Variants in KMO observed in about 807,000 individuals in gnomAD.
KMO encodes kynurenine 3-monooxygenase.
In KMO, 24 loss-of-function variants were observed where a neutral mutation model predicts 57.8. The ratio of observed to expected loss-of-function variants is 0.42; its 90% CI spans 0.30 to 0.58. KMO has a LOEUF of 0.58. KMO is among the 20% of genes least tolerant of loss of function. The pLI, the probability that KMO is intolerant of heterozygous loss-of-function variation, is 0.22. For missense variants in KMO, 483 were observed against 588.2 expected, an observed-to-expected ratio of 0.82 and a Z score of 1.85; for synonymous variants, 210 against 193.6, an observed-to-expected ratio of 1.08 and a Z score of -0.70.
intron 1 of KMO, among the ~76,000 whole-genome samples, chr1:241,537,443 CATA>C (rs1558409026): frequency 1.3e-5 from 2 of 152,106 alleles, no homozygotes; most frequent in African/African-American, 4.8e-5. Flanking sequence ...ATGAAAAAGA[CATA>C]ATTACTGTTA....
intron 4 of KMO, among the ~76,000 whole-genome samples, chr1:241,553,346 C>T (rs752793750): frequency 6.6e-6 from 1 of 152,122 alleles, no homozygotes; most frequent in African/African-American, 2.4e-5. Flanking sequence ...CTATCAGTTC[C>T]CAGATGACTG....
intron 1 of KMO, among the ~76,000 whole-genome samples, chr1:241,543,560 T>C (rs570543019): frequency 6.6e-6 from 1 of 152,316 alleles, no homozygotes; most frequent in South Asian, 2.1e-4. Flanking sequence ...ATTTTAGTTA[T>C]GAAAGGCACT....
chr1:241,554,769 G>A (rs1288774252), intron 4 of KMO, among the ~76,000 whole-genome samples: 1 of 148,298 alleles, frequency 6.7e-6, no homozygotes, highest in South Asian at 2.1e-4. Context: ...TTAGAAGTTC[G>A]AGACCAGGCT....
At chr1:241,553,772 G>T (rs1407804506) in intron 4 of KMO, among the ~76,000 whole-genome samples, 1 of 152,134 alleles carries the variant, frequency 6.6e-6, no homozygotes, top group Non-Finnish European at 1.5e-5. Flanking sequence ...TTTGATTTCT[G>T]TTGAAATACA....
intron 14 of KMO, among the ~76,000 whole-genome samples, chr1:241,591,552 C>T (rs758491906): frequency 2.2e-4 from 33 of 152,192 alleles, no homozygotes; most frequent in Admixed American, 4.6e-4. Context: ...GTCACAGAGG[C>T]CACCAGGCCA....
chr1:241,574,889 G>C lies in KMO; in HGVS notation c.957+6242G>C, dbSNP rs564699300. On this transcript the variant is annotated intron_variant, in intron 10 of 14. Transcript: ENST00000366559. Reference sequence around the variant, plus strand: ...TAAAATGCAACTGTGAGTCCTTCTGGTCCTGGGCTTTTATTTTTTGTTGAC... The same window carrying C: ...TAAAATGCAACTGTGAGTCCTTCTGCTCCTGGGCTTTTATTTTTTGTTGAC... Among the ~76,000 whole-genome samples, 8 of 152,040 alleles carry C rather than the reference G, an allele frequency of 5.3e-5. No individual in the cohort carries two copies. In the South Asian group the frequency reaches 1.7e-3, roughly 32 times the overall value.
At chr1:241,550,903 G>T (rs1196311870) in intron 3 of KMO, 52 bp from the exon 4 acceptor site, 1 of 800,128 alleles carries the variant, frequency 1.2e-6, no homozygotes, top group Non-Finnish European at 2.0e-6. Flanking sequence ...TATCTTTCTT[G>T]CATAATGCCA....
At chr1:241,548,088 A>AACACACACAC (rs60952289) in intron 1 of KMO, among the ~76,000 whole-genome samples, 9 of 148,848 alleles carry the variant, frequency 6.0e-5, no homozygotes, top group Admixed American at 1.3e-4. Flanking sequence ...AAACAAACAA[A>AACACACACAC]ACACACACAC....
intron 10 of KMO, among the ~76,000 whole-genome samples, chr1:241,580,531 G>A (rs538742676): frequency 1.3e-5 from 2 of 152,076 alleles, no homozygotes; most frequent in South Asian, 4.2e-4. Context: ...CACAGGTTTT[G>A]GTATGTTCTG....
chr1:241,582,529 C>T (rs1662792016), intron 10 of KMO, among the ~76,000 whole-genome samples: 1 of 152,022 alleles, frequency 6.6e-6, no homozygotes, highest in Non-Finnish European at 1.5e-5. Flanking sequence ...ATTTTTTCTT[C>T]TGTTTGATCA....
At chr1:241,576,101 A>T (rs1662506385) in intron 10 of KMO, among the ~76,000 whole-genome samples, 1 of 147,220 alleles carries the variant, frequency 6.8e-6, no homozygotes, top group African/African-American at 2.5e-5. Context: ...TTCAGTTTCC[A>T]TTTGCATGGA....
intron 5 of KMO, among the ~76,000 whole-genome samples, chr1:241,558,753 T>C (rs1230110818): frequency 6.9e-6 from 1 of 145,358 alleles, no homozygotes; most frequent in Admixed American, 7.2e-5. Flanking sequence ...CGTGTATACT[T>C]TTCCAATTTA....
intron 7 of KMO, among the ~76,000 whole-genome samples, chr1:241,564,624 T>C (rs1662005433): frequency 6.6e-6 from 1 of 152,060 alleles, no homozygotes; most frequent in Admixed American, 6.6e-5. Context: ...TACACACATG[T>C]ACACATCTAG....
intron 10 of KMO, among the ~76,000 whole-genome samples, chr1:241,571,403 A>G (rs759153272): frequency 6.6e-6 from 1 of 152,112 alleles, no homozygotes; most frequent in Non-Finnish European, 1.5e-5. Flanking sequence ...CTCATTTTGT[A>G]TGATACTAGC....
intron 8 of KMO, among the ~76,000 whole-genome samples, chr1:241,565,558 TAAAAAAA>T (rs56260608): frequency 1.6e-5 from 2 of 128,962 alleles, no homozygotes; most frequent in African/African-American, 3.0e-5. Flanking sequence ...TTGCCTCTAC[TAAAAAAA>T]AAAAAAAAAA....
At chr1:241,534,460 A>G (rs915935467) in intron 1 of KMO, among the ~76,000 whole-genome samples, 19 of 152,214 alleles carry the variant, frequency 1.2e-4, no homozygotes, top group African/African-American at 4.6e-4. Flanking sequence ...AAAAATTACT[A>G]CTTGCGTATT....
chr1:241,549,070 G>A (rs1479645690), intron 2 of KMO, among the ~76,000 whole-genome samples, 172 bp downstream of exon 2: 2 of 151,810 alleles, frequency 1.3e-5, no homozygotes, highest in Non-Finnish European at 2.9e-5. Flanking sequence ...GTGGTGGTGT[G>A]TGGTAGGAGG....
At chr1:241,544,281 A>G (rs1661059599) in intron 1 of KMO, among the ~76,000 whole-genome samples, 1 of 152,180 alleles carries the variant, frequency 6.6e-6, no homozygotes, top group African/African-American at 2.4e-5. Context: ...TTGATGCAAA[A>G]GTAATTGTGG....
intron 1 of KMO, among the ~76,000 whole-genome samples, chr1:241,539,389 A>AAAAAAAAAAAAAAAAAAAC (rs920402236): frequency 4.7e-5 from 7 of 150,458 alleles, no homozygotes; most frequent in African/African-American, 1.2e-4. Context: ...GTCTCAAAAA[A>AAAAAAAAAAAAAAAAAAAC]ATTCCAGAAA....
Sources: allele counts gnomAD v4.1 joint callset (sites outside exome capture counted in the v4.1 genomes callset), GRCh38; gene constraint gnomAD v4.1.1; transcripts MANE v1.5; gene names NCBI Gene and HGNC (gene_info 2026-07-23, HGNC 2026-07-21).